Variants in CDC25B observed in about 807,000 individuals in gnomAD.
CDC25B encodes the protein M-phase inducer phosphatase 2.
A neutral mutation model predicts 69.8 loss-of-function variants in CDC25B; 33 were observed. That is an observed-to-expected ratio of 0.47 (90% CI 0.36 to 0.63). The LOEUF (loss-of-function observed/expected upper bound fraction) is 0.63. Ranked by LOEUF, CDC25B falls within the 30% of genes least tolerant of loss-of-function variation. CDC25B has a pLI of 0.00. For missense variants in CDC25B, 727 were observed against 809.1 expected (o/e 0.90, Z 1.23); for synonymous variants, 341 against 314.6 (o/e 1.08, Z -0.89).
chr20:3,792,287 G>T (rs546659847), upstream of CDC25B, among the ~76,000 whole-genome samples: 1 of 151,422 alleles, frequency 6.6e-6, no homozygotes, highest in East Asian at 2.0e-4. Context: ...ATATAGACCT[G>T]CAGCCACTAA....
intron 3 of CDC25B, among the ~76,000 whole-genome samples, chr20:3,799,386 C>T (rs1414889356): frequency 6.6e-6 from 1 of 152,176 alleles, no homozygotes; most frequent in African/African-American, 2.4e-5. Flanking sequence ...GTTGGCTGGG[C>T]ACAGCAGCCC....
intron 3 of CDC25B, among the ~76,000 whole-genome samples, chr20:3,799,484 CTGTGTGTG>C (rs60482329): frequency 0.011 from 1,397 of 131,700 alleles, 25 homozygotes; most frequent in African/African-American, 0.037. Context: ...TTCTCAGAAG[CTGTGTGTG>C]TGTGTGTGTG....
chr20:3,802,910 G>C lies in CDC25B; in HGVS notation c.1195G>C (p.Ala399Pro). 6.2e-7 allele frequency: 1 copy of C among 1,613,198 alleles called. No homozygotes were observed. Among genetic ancestry groups the C allele is most frequent in the Non-Finnish European group, 8.5e-7 (1 of 1,179,222 alleles). ...HRELIGDYSKAFLLQTVDGKH... is the reference protein window; with the variant it reads ...HRELIGDYSKPFLLQTVDGKH... ...CCCTCATCCCTTCCGTTCCCTTCAG[G>C]CCTTCCTCCTACAGACAGTAGACGG... Residue 399 changes from alanine (A) to proline (P), a missense_variant and splice_region_variant, in exon 12 of 16, where the codon GCC (alanine) becomes CCC (proline). Around this residue, in one of 2 missense-constraint regions of CDC25B, gnomAD observed 359 missense variants for 463.4 expected, o/e 0.77. Transcript: ENST00000245960.
chr20:3,804,627 C>T lies in CDC25B; in HGVS notation c.1549C>T (p.Pro517Ser). ...CAACGACTACCCCAGCCTCTACTAC[C>T]CTGAGATGTATATCCTGAAAGGCGG... ...AVNDYPSLYY[P>S]EMYILKGGYK... Residue 517 changes from proline to serine, a missense_variant, in exon 15 of 16, where the codon CCT becomes TCT. By Grantham distance (74) the Pro-to-Ser change is moderately conservative. Transcript: ENST00000245960. 1 of 1,614,138 alleles carries T rather than the reference C, an allele frequency of 6.2e-7. No homozygotes were observed. The highest frequency in any genetic ancestry group is 2.2e-5 in the East Asian group (1 of 44,890).
At position 3,798,442 on chromosome 20, in the gene CDC25B, A is replaced by G. The variant is rs749796277; in HGVS notation, c.359A>G (p.Asp120Gly). 6.3e-7 allele frequency: 1 copy of G among 1,595,180 alleles called. No homozygotes were observed. The highest frequency in any genetic ancestry group is 8.5e-7 in the Non-Finnish European group (1 of 1,171,326). The change falls in exon 3 of 16, where the codon GAC becomes GGC. Residue 120 changes from aspartate to glycine, a missense_variant. Physicochemically the swap from Asp to Gly is moderately conservative, Grantham distance 94 (BLOSUM62 -1). Around this residue, in one of 2 missense-constraint regions of CDC25B, gnomAD observed 368 missense variants for 345.6 expected, o/e 1.06. Transcript: ENST00000245960. The part of the protein sequence containing the change: ...GLCMDSPSPM[D>G]PHMAEQTFEQ... The stretch of plus-strand genomic sequence containing the variant: ...TGCATGGATTCCCCCAGCCCTATGG[A>G]CCCCCACATGGCGGAGCAGACGTGA...
At chr20:3,798,063 T>C (rs2089129210) in intron 2 of CDC25B, among the ~76,000 whole-genome samples, 1 of 152,230 alleles carries the variant, frequency 6.6e-6, no homozygotes, top group African/African-American at 2.4e-5. Flanking sequence ...GGCTGAGAGT[T>C]GGTCTTTAAA....
At chr20:3,802,827 G>T in intron 11 of CDC25B, 83 bp from the exon 12 acceptor site, 1 of 1,173,842 alleles carries the variant, frequency 8.5e-7, no homozygotes, top group South Asian at 1.3e-5. Context: ...TCTGATTTTG[G>T]GAATGAAACT....
Position 3,805,031 on chromosome 20 carries a change from C to CGGGCTGAGGGCCTGCT in CDC25B, c.*73_*88dup, listed in dbSNP as rs2089431985. ...GAAGCCAGCTGCCCTATGGGCCTGC[C>CGGGCTGAGGGCCTGCT]GGGCTGAGGGCCTGCTGGAGGCCTC... On this transcript the variant is annotated 3_prime_UTR_variant, in exon 16 of 16. Coordinates refer to ENST00000245960, the MANE Select transcript of CDC25B (RefSeq NM_021873.4). 1 of 1,511,902 alleles carries CGGGCTGAGGGCCTGCT rather than the reference C, an allele frequency of 6.6e-7. No homozygotes were observed. Among genetic ancestry groups the CGGGCTGAGGGCCTGCT allele is most frequent in the East Asian group, 2.3e-5 (1 of 43,328 alleles). The allele number at this position is 1,511,902 out of a possible 1,614,324, so 93.7% of individuals were successfully genotyped here. A position where few individuals can be genotyped will look rare whatever the true frequency, so the allele number is the denominator to read the frequency against.
At chr20:3,788,019 C>T (rs1332659108) in intron 1 of CDC25B, among the ~76,000 whole-genome samples, 1 of 152,168 alleles carries the variant, frequency 6.6e-6, no homozygotes, top group African/African-American at 2.4e-5. Flanking sequence ...CACCTGTAGT[C>T]CCAGCTATTC....
rs376830269 is a variant in CDC25B, at chr20:3,798,404, C to T, written c.329-8C>T. ...CTACTTTCAAACCAAGGTGCTCTGT[C>T]CCCTCAGGTCTCTGCATGGATTCCC... On this transcript the variant is annotated splice_polypyrimidine_tract_variant and splice_region_variant and intron_variant, in intron 2 of 15. Coordinates refer to ENST00000245960, the MANE Select transcript of CDC25B (RefSeq NM_021873.4). 3.7e-5 allele frequency: 56 copies of T among 1,505,966 alleles called. No homozygotes were observed. In the Admixed American group the frequency reaches 4.6e-4, roughly 12 times the overall value. The allele number at this position is 1,505,966 out of a possible 1,614,324, so 93.3% of individuals were successfully genotyped here.
Position 3,803,069 on chromosome 20 carries a change from GCCTGAC to G in CDC25B, c.1258-37_1258-32del. 4 of 1,600,296 alleles carry G rather than the reference GCCTGAC, an allele frequency of 2.5e-6. No individual in the cohort carries two copies. Among genetic ancestry groups the G allele is most frequent in the Non-Finnish European group, 3.4e-6 (4 of 1,167,568 alleles). On this transcript the variant is annotated intron_variant, in intron 12 of 15. Coordinates refer to ENST00000245960, the MANE Select transcript of CDC25B (RefSeq NM_021873.4). The surrounding 1 kb of genome is among the most constrained non-coding windows in gnomAD (Gnocchi z 4.9). ...GGCTAGGGCCACCTGCCAGCTGCCA[GCCTGAC>G]CTGCCGGAACCAACCCCCATGACCT...
At chr20:3,800,901 G>A in intron 6 of CDC25B, 36 bp downstream of exon 6, 1 of 1,612,984 alleles carries the variant, frequency 6.2e-7, no homozygotes, top group Non-Finnish European at 8.5e-7. Context: ...GAGCTCTCCG[G>A]GAAGAGGAGG....
At chr20:3,795,589 G>A, upstream of CDC25B, 1 of 379,300 alleles carries the variant, frequency 2.6e-6, no homozygotes, top group Non-Finnish European at 3.6e-6. Context: ...TAGTTCCACC[G>A]TTTAGAGCCT....
chr20:3,790,620 G>C (rs1970322837), intron 1 of CDC25B, among the ~76,000 whole-genome samples: 2 of 151,926 alleles, frequency 1.3e-5, no homozygotes, highest in Non-Finnish European at 2.9e-5. Context: ...ACCCAGGCTA[G>C]AGTGCAATGG....
chr20:3,795,686 G>C (rs1035325965), upstream of CDC25B: 1 of 984,890 alleles, frequency 1.0e-6, no homozygotes, highest in Admixed American at 6.1e-5. Flanking sequence ...CCGCTTGGGG[G>C]CCCCACTGCC....
At chr20:3,793,903 C>T (rs2088961292), upstream of CDC25B, among the ~76,000 whole-genome samples, 1 of 151,190 alleles carries the variant, frequency 6.6e-6, no homozygotes, top group African/African-American at 2.4e-5. Context: ...CCAATTTCAT[C>T]CATGTCCCTA....
At chr20:3,799,413 C>T (rs978057102) in intron 3 of CDC25B, among the ~76,000 whole-genome samples, 2 of 152,238 alleles carry the variant, frequency 1.3e-5, no homozygotes, top group Admixed American at 6.5e-5. Context: ...GGGGCATCCC[C>T]CTCATACTTT....
Position 3,805,095 on chromosome 20 carries a change from C to T in CDC25B, c.*134C>T. 1 of 878,452 alleles carries T rather than the reference C, an allele frequency of 1.1e-6. No individual in the cohort carries two copies. The highest frequency in any genetic ancestry group is 1.7e-6 in the Non-Finnish European group (1 of 588,810). The allele number at this position is 878,452 out of a possible 1,614,324, so 54.4% of individuals were successfully genotyped here. ...GGGAAAGATGGTGTGGGTGTCCTGCCTGTCTGCCCCAGCCCAGATTCCCCT... is the reference window on the plus strand; with the variant it reads ...GGGAAAGATGGTGTGGGTGTCCTGCTTGTCTGCCCCAGCCCAGATTCCCCT... On this transcript the variant is annotated 3_prime_UTR_variant, in exon 16 of 16. Transcript: ENST00000245960.
chr20:3,801,604 C>T (rs1444466262), intron 8 of CDC25B, 118 bp from the exon 9 acceptor site: 2 of 1,065,816 alleles, frequency 1.9e-6, no homozygotes, highest in Non-Finnish European at 2.7e-6. Context: ...GGGAGCTTCT[C>T]ACCCCAACCT....
Sources: gnomAD v4.1 joint callset for allele counts (sites outside exome capture counted in the v4.1 genomes callset) on GRCh38, gnomAD v4.1.1 for gene constraint, gnomAD v4.1.1 regional missense constraint, Gnocchi (gnomAD v3.1) non-coding constraint, MANE v1.5 for transcripts, NCBI Gene and HGNC (gene_info 2026-07-23, HGNC 2026-07-21) for gene names.